Variants in CTNNA3 observed in about 807,000 individuals in gnomAD.
The protein encoded by CTNNA3 is catenin alpha 3, also known as catenin alpha-3.
In CTNNA3, 76 loss-of-function variants were observed where a neutral mutation model predicts 95.7. The observed-to-expected ratio is 0.79, with a 90% CI of 0.66 to 0.96. The LOEUF is 0.96. CTNNA3 is among the 40% of genes least tolerant of loss of function. The pLI, the probability that CTNNA3 is intolerant of heterozygous loss-of-function variation, is 0.00. For synonymous variants in CTNNA3, 431 were observed against 374.4 expected, an observed-to-expected ratio of 1.15 and a Z score of -1.74; for missense variants, 1,191 against 1,089.8, an observed-to-expected ratio of 1.09 and a Z score of -1.31.
chr10:67,584,810 T>C (rs939564790), intron 3 of CTNNA3, among the ~76,000 whole-genome samples: 1 of 152,198 alleles, frequency 6.6e-6, no homozygotes, highest in Non-Finnish European at 1.5e-5. Context: ...TGCAGTTCCA[T>C]CTCAAACTGT....
In CTNNA3 at chr10:66,927,827, T is replaced by C. The variant is rs1165169432; in HGVS notation, c.1048-152303A>G. On this transcript the variant is annotated intron_variant, in intron 7 of 17. Coordinates refer to ENST00000433211, the MANE Select transcript of CTNNA3 (RefSeq NM_013266.4). The surrounding 1 kb of genome is among the most constrained non-coding windows in gnomAD (Gnocchi z 4.7). Reference sequence around the variant, plus strand: ...GAGATTTTGGATTCTTGGATATCCCTCAATGACATCAGTCTTGCTGGGAAT... The same window carrying C: ...GAGATTTTGGATTCTTGGATATCCCCCAATGACATCAGTCTTGCTGGGAAT... The C allele has an allele frequency of 6.2e-7, 1 of 1,614,200 alleles. No homozygotes were observed. The highest frequency in any genetic ancestry group is 2.2e-5 in the East Asian group (1 of 44,888).
intron 13 of CTNNA3, among the ~76,000 whole-genome samples, chr10:66,280,059 G>T (rs1246833783): frequency 6.6e-6 from 1 of 151,848 alleles, no homozygotes; most frequent in Non-Finnish European, 1.5e-5. Flanking sequence ...GGATGAGAGG[G>T]TTTGGCCATA....
chr10:67,265,938 A>T (rs1484910480), intron 5 of CTNNA3, among the ~76,000 whole-genome samples: 2 of 152,212 alleles, frequency 1.3e-5, no homozygotes, highest in Admixed American at 6.5e-5. Flanking sequence ...AAAATGAAAC[A>T]GATCAATCGA....
intron 13 of CTNNA3, among the ~76,000 whole-genome samples, chr10:66,261,460 T>C (rs2090997361): frequency 6.6e-6 from 1 of 152,142 alleles, no homozygotes; most frequent in African/African-American, 2.4e-5. Flanking sequence ...ATTAATAAAA[T>C]ATGTTGTATT....
chr10:67,130,440 G>T (rs1289001959), intron 7 of CTNNA3, among the ~76,000 whole-genome samples: 1 of 152,064 alleles, frequency 6.6e-6, no homozygotes, highest in East Asian at 1.9e-4. Context: ...AGGCAAAGCT[G>T]GTCAATGGGG....
At chr10:66,014,515 T>C (rs72791433) in intron 15 of CTNNA3, among the ~76,000 whole-genome samples, 30,354 of 152,126 alleles carry the variant, frequency 0.2, 3,392 homozygotes, top group East Asian at 0.51. Flanking sequence ...GACAGAGTAG[T>C]TCTCTCACTT....
chr10:66,248,863 C>T (rs1430737919), intron 13 of CTNNA3, among the ~76,000 whole-genome samples: 2 of 152,050 alleles, frequency 1.3e-5, no homozygotes, highest in Non-Finnish European at 2.9e-5. Flanking sequence ...ACAAAGAAAA[C>T]TGGAGGACTC....
At chr10:66,873,870 G>T (rs1341898397) in intron 7 of CTNNA3, among the ~76,000 whole-genome samples, 2 of 152,150 alleles carry the variant, frequency 1.3e-5, no homozygotes, top group African/African-American at 4.8e-5. Flanking sequence ...TTATGTCTAA[G>T]TTGTTATTTA....
At chr10:66,284,326 T>C (rs554183498) in intron 12 of CTNNA3, among the ~76,000 whole-genome samples, 6 of 152,048 alleles carry the variant, frequency 3.9e-5, no homozygotes, top group African/African-American at 1.4e-4. Flanking sequence ...ACTATTACTA[T>C]CCTGATTTAC....
At chr10:67,324,350 C>T (rs1589166270) in intron 5 of CTNNA3, among the ~76,000 whole-genome samples, 1 of 152,110 alleles carries the variant, frequency 6.6e-6, no homozygotes, top group South Asian at 2.1e-4. Flanking sequence ...TTTTGCCCAT[C>T]AGTATGATGT....
At chr10:66,174,530 T>C (rs1280835091) in intron 13 of CTNNA3, among the ~76,000 whole-genome samples, 1 of 152,148 alleles carries the variant, frequency 6.6e-6, no homozygotes, top group African/African-American at 2.4e-5. Context: ...TAAATTAACA[T>C]ACAGTTGACC....
At chr10:67,008,581 G>A (rs1473041792) in intron 7 of CTNNA3, among the ~76,000 whole-genome samples, 3 of 152,112 alleles carry the variant, frequency 2.0e-5, no homozygotes, top group Admixed American at 1.3e-4. Flanking sequence ...GGCTGGCCTG[G>A]CTCATCTCTG....
chr10:66,512,180 TAA>T (rs1474220317), intron 11 of CTNNA3, among the ~76,000 whole-genome samples: 3 of 152,038 alleles, frequency 2.0e-5, no homozygotes, highest in Non-Finnish European at 4.4e-5. Context: ...TTGTCTGATA[TAA>T]GTTTGCTACT....
intron 8 of CTNNA3, among the ~76,000 whole-genome samples, chr10:66,768,951 T>C (rs1839974232): frequency 4.6e-5 from 7 of 152,120 alleles, no homozygotes. Flanking sequence ...GAAGAGTGAA[T>C]GAGAGATAAG....
intron 9 of CTNNA3, among the ~76,000 whole-genome samples, chr10:66,689,611 G>C (rs924303564): frequency 2.0e-5 from 3 of 152,046 alleles, no homozygotes; most frequent in African/African-American, 7.2e-5. Flanking sequence ...AGAGTCCTTG[G>C]AGACATTTAA....
At chr10:66,608,083 A>G (rs1844193168) in intron 10 of CTNNA3, among the ~76,000 whole-genome samples, 1 of 152,148 alleles carries the variant, frequency 6.6e-6, no homozygotes, top group South Asian at 2.1e-4. Context: ...AAGCTAATAA[A>G]AAAACTTCAG....
chr10:67,570,830 T>C (rs1841951389), intron 3 of CTNNA3, among the ~76,000 whole-genome samples: 1 of 152,198 alleles, frequency 6.6e-6, no homozygotes, highest in African/African-American at 2.4e-5. Flanking sequence ...TTCTTTTCAA[T>C]CTCCTTTTTG....
At chr10:67,359,954 A>G (rs1014398166) in intron 5 of CTNNA3, among the ~76,000 whole-genome samples, 4 of 152,134 alleles carry the variant, frequency 2.6e-5, no homozygotes, top group Non-Finnish European at 1.5e-5. Context: ...GCTAGAAAAA[A>G]GGGTCAGATT....
intron 17 of CTNNA3, among the ~76,000 whole-genome samples, chr10:65,921,839 G>A (rs887979658): frequency 1.3e-5 from 2 of 152,190 alleles, no homozygotes; most frequent in Non-Finnish European, 2.9e-5. Context: ...AAAGACCCCT[G>A]TTGGATGTTG....
Sources: gnomAD v4.1 joint callset for allele counts (sites outside exome capture counted in the v4.1 genomes callset) on GRCh38, gnomAD v4.1.1 for gene constraint, Gnocchi (gnomAD v3.1) non-coding constraint, MANE v1.5 for transcripts, NCBI Gene and HGNC (gene_info 2026-07-23, HGNC 2026-07-21) for gene names.